The following MDGA1 variants were observed in gnomAD, a reference collection of about 807,000 sequenced individuals.
MDGA1 encodes the protein MAM domain containing glycosylphosphatidylinositol anchor 1.
A neutral mutation model predicts 101.5 loss-of-function variants in MDGA1; 54 were observed. The observed-to-expected ratio is 0.53, with a 90% CI of 0.43 to 0.67. The LOEUF is 0.67. Among genes scored for constraint, MDGA1 ranks in the 30% least tolerant of loss-of-function variants. The pLI, the probability that MDGA1 is intolerant of heterozygous loss-of-function variation, is 0.00. For missense variants in MDGA1, 1,083 were observed against 1,323.8 expected (o/e 0.82, Z 2.82); for synonymous variants, 533 against 558.3 (o/e 0.95, Z 0.64).
intron 1 of MDGA1, among the ~76,000 whole-genome samples, chr6:37,693,211 T>C (rs1259369950): frequency 6.6e-6 from 1 of 152,180 alleles, no homozygotes; most frequent in Non-Finnish European, 1.5e-5. Context: ...TTTCAAGGCA[T>C]GGGGTAGGAA....
chr6:37,637,594 C>A (rs981105227), intron 16 of MDGA1, 135 bp from the exon 17 acceptor site: 3 of 688,410 alleles, frequency 4.4e-6, no homozygotes, highest in Non-Finnish European at 7.5e-6. Context: ...GGCCTCAGTG[C>A]ACACAGACAA....
At chr6:37,653,629 A>G (rs1351634406) in intron 6 of MDGA1, among the ~76,000 whole-genome samples, 1 of 152,230 alleles carries the variant, frequency 6.6e-6, no homozygotes, top group Non-Finnish European at 1.5e-5. Context: ...CAAAATCCCT[A>G]AAGCTGCACA....
At chr6:37,675,253 G>A (rs1398281723) in intron 1 of MDGA1, among the ~76,000 whole-genome samples, 1 of 152,136 alleles carries the variant, frequency 6.6e-6, no homozygotes, top group Non-Finnish European at 1.5e-5. Context: ...AAGTGACCTT[G>A]GGAAAGTTGT....
chr6:37,679,706 C>T (rs545030008), intron 1 of MDGA1, among the ~76,000 whole-genome samples: 9 of 152,312 alleles, frequency 5.9e-5, no homozygotes, highest in South Asian at 4.1e-4. Context: ...AACCCTCCTC[C>T]GAACAGTGGT....
intron 14 of MDGA1, chr6:37,643,402 A>C: frequency 6.1e-6 from 1 of 163,714 alleles, no homozygotes; most frequent in South Asian, 1.7e-4. Flanking sequence ...CCTCCCAAGT[A>C]GCTGGGATTA....
intron 11 of MDGA1, 113 bp from the exon 12 acceptor site, chr6:37,646,069 G>T: frequency 6.4e-7 from 1 of 1,570,886 alleles, no homozygotes; most frequent in South Asian, 1.1e-5. Flanking sequence ...GGGGCCAGCG[G>T]ATCTGGCCTG....
chr6:37,673,180 C>T (rs1010466805), intron 1 of MDGA1, among the ~76,000 whole-genome samples: 3 of 152,100 alleles, frequency 2.0e-5, no homozygotes, highest in African/African-American at 4.8e-5. Flanking sequence ...TCATGCTAAC[C>T]GCCATGCATT....
rs1763946753 is a variant in MDGA1 at position 37,637,147 on chromosome 6, A to C, written c.*221T>G. The C allele has an allele frequency of 3.8e-6, 2 of 520,876 alleles. No individual in the cohort carries two copies. Among genetic ancestry groups the C allele is most frequent in the Non-Finnish European group, 3.4e-6 (1 of 291,478 alleles). 32.3% of individuals were successfully genotyped at this position (520,876 alleles called of 1,614,324 possible). On this transcript the variant is annotated 3_prime_UTR_variant, in exon 17 of 17. Coordinates refer to ENST00000434837, the MANE Select transcript of MDGA1 (RefSeq NM_153487.4). The stretch of plus-strand genomic sequence containing the variant: ...TTAATATATCTCTGTGTGTGTGAGC[A>C]TGAGTGTGTGCGTGTGTGCAAGTGG...
intron 1 of MDGA1, among the ~76,000 whole-genome samples, chr6:37,671,957 A>G (rs1761879059): frequency 6.6e-6 from 1 of 151,968 alleles, no homozygotes; most frequent in African/African-American, 2.4e-5. Context: ...CCTGGGCAAC[A>G]TGGTGAAACC....
At position 37,674,424 on chromosome 6, in the gene MDGA1, T is replaced by C. The variant is rs149897985; in HGVS notation, c.68-10318A>G. On this transcript the variant is annotated intron_variant, in intron 1 of 16. Transcript: ENST00000434837. Reference sequence around the variant, plus strand: ...TTGTTCCATTTGCAGAGCCTGCCACTGTGGCGCCTGGAGCTTCTGGGAGAG... The same window carrying C: ...TTGTTCCATTTGCAGAGCCTGCCACCGTGGCGCCTGGAGCTTCTGGGAGAG... Among the ~76,000 whole-genome samples, 582 of 152,370 alleles carry C rather than the reference T, an allele frequency of 3.8e-3. 2 individuals are homozygous for C. The highest frequency in any genetic ancestry group is 0.014 in the African/African-American group (563 of 41,596).
intron 16 of MDGA1, 81 bp from the exon 17 acceptor site, chr6:37,637,540 C>G: frequency 8.2e-7 from 1 of 1,220,882 alleles, no homozygotes; most frequent in South Asian, 1.3e-5. Context: ...CAGGTCGGCA[C>G]TGTTACTCTG....
At position 37,647,190 on chromosome 6, in the gene MDGA1, T is replaced by C. The variant is rs923567755; in HGVS notation, c.2029A>G (p.Arg677Gly). 1.9e-6 allele frequency: 3 copies of C among 1,597,672 alleles called. No individual in the cohort carries two copies. The highest frequency in any genetic ancestry group is 2.6e-6 in the Non-Finnish European group (3 of 1,172,370). ...TGGCCCACCTGGCGGATGCTGAGTC[T>C]GTAGTTGAGCACAGGGTCGACAGCG... ...PDAVDPVLNY[R>G]LSIRQLNQHN... Residue 677 changes from arginine to glycine, a missense_variant, in exon 10 of 17, where the codon AGA becomes GGA. Arg to Gly is a moderately radical substitution (Grantham distance 125). Coordinates refer to ENST00000434837, the MANE Select transcript of MDGA1 (RefSeq NM_153487.4).
intron 8 of MDGA1, 39 bp downstream of exon 8, chr6:37,650,070 A>G: frequency 1.2e-6 from 2 of 1,610,854 alleles, no homozygotes; most frequent in Non-Finnish European, 1.7e-6. Flanking sequence ...AGCCAGAAGG[A>G]AAGCTGGGAA....
intron 5 of MDGA1, 78 bp from the exon 6 acceptor site, chr6:37,654,621 C>A: frequency 6.2e-7 from 1 of 1,601,610 alleles, no homozygotes; most frequent in East Asian, 2.2e-5. Context: ...GCTAGGAAAA[C>A]CATAGAGGCT....
chr6:37,637,353 G>C lies in MDGA1; in HGVS notation c.*15C>G, dbSNP rs1261489852. The C allele has an allele frequency of 1.9e-6, 3 of 1,601,668 alleles. No homozygotes were observed. The highest frequency in any genetic ancestry group is 2.6e-6 in the Non-Finnish European group (3 of 1,169,628). On this transcript the variant is annotated 3_prime_UTR_variant, in exon 17 of 17. Coordinates refer to ENST00000434837, the MANE Select transcript of MDGA1 (RefSeq NM_153487.4). ...TGCCGGGGGCAAGGTTGGGGGGGTG[G>C]CCACACAGCTCTCATCATCTCTGCA... is the stretch of plus-strand genomic sequence containing the variant.
At chr6:37,689,549 C>T (rs1762266685) in intron 1 of MDGA1, among the ~76,000 whole-genome samples, 1 of 152,238 alleles carries the variant, frequency 6.6e-6, no homozygotes, top group Non-Finnish European at 1.5e-5. Context: ...TGATCTCCAT[C>T]TGACAAGCGG....
Position 37,697,058 on chromosome 6 carries a change from C to A in MDGA1, c.-247G>T, listed in dbSNP as rs980349588. 3 of 399,258 alleles carry A rather than the reference C, an allele frequency of 7.5e-6. No homozygotes were observed. The highest frequency in any genetic ancestry group is 1.3e-5 in the Non-Finnish European group (3 of 227,350). The allele number at this position is 399,258 out of a possible 1,614,324, so 24.7% of individuals were successfully genotyped here. A position where few individuals can be genotyped will look rare whatever the true frequency, so the allele number is the denominator to read the frequency against. On this transcript the variant is annotated 5_prime_UTR_variant, in exon 1 of 17. Transcript: ENST00000434837. ...GCCCAGCCCCGGGTGCCTCGGCGCG[C>A]CCGGCACAGCAGCCAGCGCCCCGAC... is the stretch of plus-strand genomic sequence containing the variant.
In MDGA1 at chr6:37,669,730, C is replaced by T. The variant is rs1239214760; in HGVS notation, c.68-5624G>A. Among the ~76,000 whole-genome samples the T allele has an allele frequency of 2.0e-5, 3 of 152,198 alleles. No individual in the cohort carries two copies. The East Asian group carries it at 5.8e-4, about 29-fold the overall frequency. The stretch of plus-strand genomic sequence containing the variant: ...CTCCTGATTCGGAAGGCAACCCAGG[C>T]AGGGCTGTTTCAAGATACACCATGA... On this transcript the variant is annotated intron_variant, in intron 1 of 16. Coordinates refer to ENST00000434837, the MANE Select transcript of MDGA1 (RefSeq NM_153487.4).
rs768071903 is a variant in MDGA1, at chr6:37,635,655, C to T, written c.*1713G>A. ...TGGCACTGCAGTGCTGCCCGAGTTCCAGGCCTCTTCTCTGCAGCTGTCCCC... is the reference window on the plus strand; with the variant it reads ...TGGCACTGCAGTGCTGCCCGAGTTCTAGGCCTCTTCTCTGCAGCTGTCCCC... On this transcript the variant is annotated 3_prime_UTR_variant, in exon 17 of 17. Coordinates refer to ENST00000434837, the MANE Select transcript of MDGA1 (RefSeq NM_153487.4). 2.5e-6 allele frequency: 1 copy of T among 398,598 alleles called. No homozygotes were observed. The highest frequency in any genetic ancestry group is 4.4e-6 in the Non-Finnish European group (1 of 226,120). 24.7% of individuals were successfully genotyped at this position (398,598 alleles called of 1,614,324 possible).
Sources: allele counts gnomAD v4.1 joint callset (sites outside exome capture counted in the v4.1 genomes callset), GRCh38; gene constraint gnomAD v4.1.1; transcripts MANE v1.5; gene names NCBI Gene and HGNC (gene_info 2026-07-23, HGNC 2026-07-21).